Variants in AGBL1 observed in about 807,000 individuals in gnomAD.
The protein encoded by AGBL1 is AGBL carboxypeptidase 1, also known as cytosolic carboxypeptidase 4.
Under a neutral mutation model 118.9 loss-of-function variants are expected in AGBL1, and 130 were observed. That is an observed-to-expected ratio of 1.09 (90% CI 0.95 to 1.26). AGBL1 has a LOEUF of 1.26. AGBL1 is among the 50% of genes most tolerant of loss of function. The pLI is 0.00. For synonymous variants in AGBL1, 555 were observed against 478.9 expected (o/e 1.16, Z -2.08); for missense variants, 1,584 against 1,298.1 (o/e 1.22, Z -3.38).
At chr15:86,164,244 A>G (rs1243995393) in intron 5 of AGBL1, among the ~76,000 whole-genome samples, 1 of 152,164 alleles carries the variant, frequency 6.6e-6, no homozygotes, top group Non-Finnish European at 1.5e-5. Context: ...GCTGGGGCTT[A>G]AACTTTTCTG....
chr15:86,881,126 C>T (rs1026549830), intron 22 of AGBL1, among the ~76,000 whole-genome samples: 1 of 152,156 alleles, frequency 6.6e-6, no homozygotes, highest in African/African-American at 2.4e-5. Context: ...ATGCTAAGTT[C>T]CATTTTGCAA....
At chr15:86,236,260 C>G (rs1567145613) in intron 6 of AGBL1, among the ~76,000 whole-genome samples, 1 of 152,092 alleles carries the variant, frequency 6.6e-6, no homozygotes, top group Non-Finnish European at 1.5e-5. Flanking sequence ...AGTATGGCAA[C>G]CACTGCCCAC....
At chr15:86,747,947 A>G (rs1385836373) in intron 22 of AGBL1, among the ~76,000 whole-genome samples, 1 of 152,210 alleles carries the variant, frequency 6.6e-6, no homozygotes, top group Non-Finnish European at 1.5e-5. Context: ...ATACGTGTGC[A>G]TGTGACTTTA....
chr15:86,252,316 G>A (rs995937795), intron 7 of AGBL1, among the ~76,000 whole-genome samples: 7 of 152,098 alleles, frequency 4.6e-5, no homozygotes, highest in African/African-American at 1.7e-4. Context: ...GTGTAAGGAG[G>A]GACTGAATTC....
intron 22 of AGBL1, among the ~76,000 whole-genome samples, chr15:86,854,548 G>A (rs2079451457): frequency 6.6e-6 from 1 of 152,178 alleles, no homozygotes; most frequent in African/African-American, 2.4e-5. Context: ...TCAATTTGGA[G>A]CCAGTGTTAC....
At chr15:86,551,837 G>T (rs2083667075) in intron 20 of AGBL1, among the ~76,000 whole-genome samples, 1 of 152,092 alleles carries the variant, frequency 6.6e-6, no homozygotes, top group Admixed American at 6.6e-5. Context: ...GCCATGAAGA[G>T]ACACGGAAGA....
chr15:86,327,012 T>C (rs996320132), intron 17 of AGBL1, among the ~76,000 whole-genome samples: 17 of 149,366 alleles, frequency 1.1e-4, no homozygotes, highest in African/African-American at 3.7e-4. Context: ...TTGAGGAAAA[T>C]AGTAAAGGAG....
At chr15:86,539,566 A>G (rs559894732) in intron 19 of AGBL1, among the ~76,000 whole-genome samples, 1 of 152,342 alleles carries the variant, frequency 6.6e-6, no homozygotes, top group South Asian at 2.1e-4. Context: ...AGAATGATGT[A>G]CAAGTGCATT....
chr15:86,109,021 T>A (rs1897213402), intron 1 of AGBL1, among the ~76,000 whole-genome samples: 1 of 152,150 alleles, frequency 6.6e-6, no homozygotes, highest in Non-Finnish European at 1.5e-5. Flanking sequence ...AGAATATCTA[T>A]CATATTTAAG....
At chr15:86,566,722 C>T (rs1276558591) in intron 21 of AGBL1, among the ~76,000 whole-genome samples, 3 of 152,204 alleles carry the variant, frequency 2.0e-5, no homozygotes, top group Non-Finnish European at 4.4e-5. Context: ...CAGACACACA[C>T]ACACACAGAT....
At chr15:86,172,463 TCTAA>T (rs2077429207) in intron 5 of AGBL1, among the ~76,000 whole-genome samples, 1 of 152,220 alleles carries the variant, frequency 6.6e-6, no homozygotes, top group Non-Finnish European at 1.5e-5. Context: ...ATTCCTTCTA[TCTAA>T]CTGTGTTTGT....
At chr15:86,396,957 C>A (rs2081374551) in intron 17 of AGBL1, among the ~76,000 whole-genome samples, 1 of 152,130 alleles carries the variant, frequency 6.6e-6, no homozygotes, top group Non-Finnish European at 1.5e-5. Context: ...GGGTTCTTTT[C>A]ATACCATCAA....
At chr15:86,918,960 C>T (rs758762909), downstream of AGBL1, among the ~76,000 whole-genome samples, 9 of 152,166 alleles carry the variant, frequency 5.9e-5, no homozygotes, top group Non-Finnish European at 1.0e-4. Context: ...CATGTCCGTG[C>T]GTGTTCTGAA....
chr15:86,646,749 A>G (rs1158327264), intron 21 of AGBL1, among the ~76,000 whole-genome samples: 2 of 152,192 alleles, frequency 1.3e-5, no homozygotes, highest in East Asian at 1.9e-4. Flanking sequence ...TATGACCTTG[A>G]TCACATTATT....
intron 21 of AGBL1, among the ~76,000 whole-genome samples, chr15:86,598,902 G>A (rs2084449279): frequency 6.6e-6 from 1 of 152,158 alleles, no homozygotes; most frequent in African/African-American, 2.4e-5. Flanking sequence ...TGAAAATGGA[G>A]CAGACTGACC....
intron 17 of AGBL1, among the ~76,000 whole-genome samples, chr15:86,359,641 A>G (rs2080774574): frequency 1.3e-5 from 2 of 151,794 alleles, no homozygotes; most frequent in Admixed American, 6.6e-5. Context: ...TAGTATGAAC[A>G]TTTTAACAGT....
intron 24 of AGBL1, chr15:87,028,729 G>C: frequency 9.2e-7 from 1 of 1,082,710 alleles, no homozygotes; most frequent in Non-Finnish European, 1.4e-6. Context: ...AATGAATTTC[G>C]TATCTCTAAA....
chr15:86,305,738 T>C (rs1421581187), intron 17 of AGBL1, among the ~76,000 whole-genome samples: 1 of 152,128 alleles, frequency 6.6e-6, no homozygotes, highest in East Asian at 1.9e-4. Context: ...CACACTCACA[T>C]ACTGACGCAT....
intron 23 of AGBL1, among the ~76,000 whole-genome samples, chr15:86,956,217 T>C (rs534551702): frequency 6.8e-6 from 1 of 147,704 alleles, no homozygotes; most frequent in South Asian, 2.2e-4. Context: ...AGATGATTGA[T>C]TAGATAGATA....
Sources: gnomAD v4.1 joint callset for allele counts (sites outside exome capture counted in the v4.1 genomes callset) on GRCh38, gnomAD v4.1.1 for gene constraint, MANE v1.5 for transcripts, NCBI Gene and HGNC (gene_info 2026-07-23, HGNC 2026-07-21) for gene names.